The following AP2A2 variants were observed in gnomAD, a reference collection of about 807,000 sequenced individuals.
The protein encoded by AP2A2 is adaptor related protein complex 2 subunit alpha 2.
AP2A2 carries 32 observed loss-of-function variants against 104.2 expected under a neutral mutation model. The observed-to-expected ratio is 0.31, with a 90% CI of 0.23 to 0.41. The LOEUF (loss-of-function observed/expected upper bound fraction) is 0.41, where lower values mean the gene tolerates loss of function less well. Ranked by LOEUF, AP2A2 falls within the 10% of genes least tolerant of loss-of-function variation. The pLI is 1.00. For missense variants in AP2A2, 912 were observed against 1,261.0 expected (o/e 0.72, Z 4.19); for synonymous variants, 539 against 533.3 (o/e 1.01, Z -0.15).
chr11:951,902 T>A (rs757968823), intron 1 of AP2A2, among the ~76,000 whole-genome samples: 9 of 146,390 alleles, frequency 6.1e-5, no homozygotes, highest in Non-Finnish European at 1.4e-4. Flanking sequence ...AGTCTCACCT[T>A]GTTGCCTAGG....
At chr11:1,009,613 G>T in intron 20 of AP2A2, 70 bp from the exon 21 acceptor site, 1 of 1,174,540 alleles carries the variant, frequency 8.5e-7, no homozygotes, top group South Asian at 1.5e-5. Context: ...GGGTCTGGAG[G>T]GGCGGCCCCG....
intron 2 of AP2A2, among the ~76,000 whole-genome samples, chr11:963,475 G>C (rs1274184880): frequency 6.6e-6 from 1 of 152,098 alleles, no homozygotes; most frequent in Non-Finnish European, 1.5e-5. Flanking sequence ...TTTATACCAG[G>C]TCTTTGAAGT....
At chr11:1,003,894 A>G (rs1362949914) in intron 16 of AP2A2, 90 bp downstream of exon 16, 2 of 823,302 alleles carry the variant, frequency 2.4e-6, no homozygotes, top group Non-Finnish European at 3.7e-6. Flanking sequence ...TATAAGGGAT[A>G]GATATCCAGA....
chr11:948,647 A>C (rs1589955685), intron 1 of AP2A2: 1 of 150,672 alleles, frequency 6.6e-6, no homozygotes, highest in East Asian at 2.0e-4. Flanking sequence ...CACTCGGATC[A>C]CTTGAGGTCA....
chr11:973,748 G>C (rs1406489224), intron 4 of AP2A2, among the ~76,000 whole-genome samples: 2 of 152,288 alleles, frequency 1.3e-5, no homozygotes, highest in South Asian at 4.1e-4. Context: ...CTGCCTCAGG[G>C]CCACGGCCTC....
intron 10 of AP2A2, among the ~76,000 whole-genome samples, chr11:989,704 C>A (rs761485175): frequency 6.6e-6 from 1 of 152,210 alleles, no homozygotes; most frequent in Non-Finnish European, 1.5e-5. Context: ...GGAAGAAACC[C>A]TTGTGGAGGC....
chr11:977,701 G>C (rs1855097852), intron 5 of AP2A2, among the ~76,000 whole-genome samples: 2 of 151,892 alleles, frequency 1.3e-5, no homozygotes, highest in South Asian at 4.2e-4. Context: ...GAGGGGCTGT[G>C]CTAGTGTGTG....
intron 10 of AP2A2, among the ~76,000 whole-genome samples, chr11:989,261 A>G (rs1440625415): frequency 1.3e-5 from 2 of 151,810 alleles, no homozygotes; most frequent in Non-Finnish European, 2.9e-5. Flanking sequence ...CGGGAGGCGG[A>G]GGCGGAGGTT....
At chr11:936,192 C>G (rs1015754444) in intron 1 of AP2A2, among the ~76,000 whole-genome samples, 2 of 149,728 alleles carry the variant, frequency 1.3e-5, no homozygotes, top group African/African-American at 4.9e-5. Flanking sequence ...CAGGCGTGAA[C>G]CACTGCGCCT....
In AP2A2 at chr11:964,806, A is replaced by AGGTGG. The variant is rs1854559695; in HGVS notation, c.136+5301_136+5302insGGTGG. Among the ~76,000 whole-genome samples the AGGTGG allele has an allele frequency of 3.5e-4, 47 of 135,920 alleles. 10 individuals carry two copies. Among genetic ancestry groups the AGGTGG allele is most frequent in the African/African-American group, 1.1e-3 (43 of 38,472 alleles). 89.2% of individuals were successfully genotyped at this position (135,920 alleles called of 152,430 possible). A position where few individuals can be genotyped will look rare whatever the true frequency, so the allele number is the denominator to read the frequency against. ...GAAATAATCCCAGATGGAAGCGTGGAAATGGAAAGCATGGAACGGGCAGGA... is the reference window on the plus strand; with the variant it reads ...GAAATAATCCCAGATGGAAGCGTGGAGGTGGAATGGAAAGCATGGAACGGGCAGGA... On this transcript the variant is annotated intron_variant, in intron 2 of 21. Coordinates refer to ENST00000448903, the MANE Select transcript of AP2A2 (RefSeq NM_012305.4).
At position 1,004,353 on chromosome 11, in the gene AP2A2, G is replaced by A. The variant is rs188975316; in HGVS notation, c.2206+549G>A. On this transcript the variant is annotated intron_variant, in intron 16 of 21. Coordinates refer to ENST00000448903, the MANE Select transcript of AP2A2 (RefSeq NM_012305.4). ...CTGGGTGTAGTGGTGTGTGCCTGTG[G>A]TCCCAGCTACTTGGGAGGCTGAGGC... is the stretch of plus-strand genomic sequence containing the variant. Among the ~76,000 whole-genome samples, 352 of 152,232 alleles carry A rather than the reference G, an allele frequency of 2.3e-3. 2 individuals carry two copies. Among genetic ancestry groups the A allele is most frequent in the African/African-American group, 8.3e-3 (344 of 41,536 alleles).
At chr11:926,152 G>C in intron 1 of AP2A2, 64 bp downstream of exon 1, 2 of 1,132,076 alleles carry the variant, frequency 1.8e-6, no homozygotes, top group Non-Finnish European at 1.1e-6. Context: ...GTCTGGGAGC[G>C]GAGGCCCGGG....
In AP2A2 at chr11:980,072, C is replaced by T. The variant is rs576272135; in HGVS notation, c.604-1126C>T. Among the ~76,000 whole-genome samples, 20 of 138,808 alleles carry T rather than the reference C, an allele frequency of 1.4e-4. No individual in the cohort carries two copies. In the East Asian group the frequency reaches 3.9e-3, roughly 27 times the overall value. 91.1% of individuals were successfully genotyped at this position (138,808 alleles called of 152,430 possible). ...TGTCCTGGAGCGGTGACAGGCTGCCCGGTGCCGTGTCCTGGAGCGGTGACA... is the reference window on the plus strand; with the variant it reads ...TGTCCTGGAGCGGTGACAGGCTGCCTGGTGCCGTGTCCTGGAGCGGTGACA... On this transcript the variant is annotated intron_variant, in intron 5 of 21. Coordinates refer to ENST00000448903, the MANE Select transcript of AP2A2 (RefSeq NM_012305.4).
At chr11:981,910 G>A (rs1177031513) in intron 6 of AP2A2, among the ~76,000 whole-genome samples, 1 of 152,268 alleles carries the variant, frequency 6.6e-6, no homozygotes, top group Non-Finnish European at 1.5e-5. Context: ...TGAACCTGAG[G>A]AGACTGGCGT....
intron 2 of AP2A2, among the ~76,000 whole-genome samples, chr11:969,457 C>T (rs980547066): frequency 1.3e-5 from 2 of 152,102 alleles, no homozygotes; most frequent in Admixed American, 6.5e-5. Flanking sequence ...AACTCCTGAC[C>T]TCAGGTGATC....
intron 14 of AP2A2, among the ~76,000 whole-genome samples, chr11:998,648 A>G (rs1269526974): frequency 6.6e-6 from 1 of 151,974 alleles, no homozygotes; most frequent in Non-Finnish European, 1.5e-5. Context: ...TGTGATAGTC[A>G]GAGCCCTCCA....
chr11:993,328 C>A lies in AP2A2; in HGVS notation c.1497C>A (p.Gly499=), dbSNP rs371254309. ...GCCACGAGAACCTGGTCAAAGTGGG[C>A]GGCTACATCCTGGGGGAGTTTGGAA... is the stretch of plus-strand genomic sequence containing the variant. ...PACHENLVKV[G]GYILGEFGNL... The change falls in exon 12 of 22, where the codon GGC becomes GGA. Residue 499 remains glycine, a synonymous_variant. Coordinates refer to ENST00000448903, the MANE Select transcript of AP2A2 (RefSeq NM_012305.4). The surrounding 1 kb of genome is among the most constrained non-coding windows in gnomAD (Gnocchi z 8.2). 1 of 1,612,414 alleles carries A rather than the reference C, an allele frequency of 6.2e-7. No individual in the cohort carries two copies. The highest frequency in any genetic ancestry group is 1.7e-5 in the Admixed American group (1 of 59,710).
At chr11:971,370 G>T (rs758754863) in intron 3 of AP2A2, among the ~76,000 whole-genome samples, 1 of 152,206 alleles carries the variant, frequency 6.6e-6, no homozygotes, top group East Asian at 1.9e-4. Flanking sequence ...GCGTGCGAGC[G>T]CAGGGCTGAA....
chr11:933,582 A>G (rs913325688), intron 1 of AP2A2: 4 of 456,162 alleles, frequency 8.8e-6, no homozygotes, highest in Non-Finnish European at 1.8e-5. Flanking sequence ...GCCAAGACGC[A>G]TAGAAGAAAT....
Sources: gnomAD v4.1 joint callset for allele counts (sites outside exome capture counted in the v4.1 genomes callset) on GRCh38, gnomAD v4.1.1 for gene constraint, Gnocchi (gnomAD v3.1) non-coding constraint, MANE v1.5 for transcripts, NCBI Gene and HGNC (gene_info 2026-07-23, HGNC 2026-07-21) for gene names.